The following TSPEAR variants were observed in gnomAD, a reference collection of about 807,000 sequenced individuals.
The protein encoded by TSPEAR is thrombospondin type laminin G domain and EAR repeats, also known as thrombospondin-type laminin G domain and EAR repeat-containing protein.
Under a neutral mutation model 71.6 loss-of-function variants are expected in TSPEAR, and 69 were observed. The ratio of observed to expected loss-of-function variants is 0.96; its 90% CI spans 0.79 to 1.18. The LOEUF (loss-of-function observed/expected upper bound fraction) is 1.18, where lower values mean the gene tolerates loss of function less well. Ranked by LOEUF, TSPEAR falls within the 50% of genes most tolerant of loss-of-function variation. TSPEAR has a pLI of 0.00. For synonymous variants in TSPEAR, 402 were observed against 387.2 expected, an observed-to-expected ratio of 1.04 and a Z score of -0.45; for missense variants, 971 against 894.9, an observed-to-expected ratio of 1.09 and a Z score of -1.09.
At chr21:44,651,170 G>A (rs1555941340) in intron 1 of TSPEAR, among the ~76,000 whole-genome samples, 1 of 152,154 alleles carries the variant, frequency 6.6e-6, no homozygotes, top group Admixed American at 6.5e-5. Context: ...GGGAGAGTGA[G>A]GCCGAAGCCC....
chr21:44,696,997 A>ACTCC (rs1319309315), intron 1 of TSPEAR, among the ~76,000 whole-genome samples: 5 of 141,676 alleles, frequency 3.5e-5, no homozygotes, highest in African/African-American at 8.0e-5. Flanking sequence ...ACACTCACTC[A>ACTCC]CTCCCTCCTT....
At position 44,593,185 on chromosome 21, in the gene TSPEAR, G is replaced by A. The variant is rs587683144; in HGVS notation, c.83-25180C>T. Among the ~76,000 whole-genome samples the A allele has an allele frequency of 2.6e-5, 4 of 152,320 alleles. No individual in the cohort carries two copies. The East Asian group carries it at 7.7e-4, about 29-fold the overall frequency. ...GGACAGCATGACAGCCTTCTGGGCT[G>A]TGGTTTTGGGTTCTGAACCTGCAGA... On this transcript the variant is annotated intron_variant, in intron 1 of 11. Transcript: ENST00000323084. The surrounding 1 kb of genome is among the most constrained non-coding windows in gnomAD (Gnocchi z 5.9).
At chr21:44,671,607 G>T (rs1986058353) in intron 1 of TSPEAR, among the ~76,000 whole-genome samples, 1 of 152,176 alleles carries the variant, frequency 6.6e-6, no homozygotes. Flanking sequence ...CACAGCCAAA[G>T]AAATCATACA....
intron 1 of TSPEAR, among the ~76,000 whole-genome samples, chr21:44,647,940 C>T (rs2146243314): frequency 6.6e-6 from 1 of 152,354 alleles, no homozygotes; most frequent in South Asian, 2.1e-4. Context: ...CATGCCTGTC[C>T]CCTGCCAGTC....
intron 3 of TSPEAR, among the ~76,000 whole-genome samples, chr21:44,532,190 A>G (rs2052987307): frequency 6.6e-6 from 1 of 152,232 alleles, no homozygotes; most frequent in Non-Finnish European, 1.5e-5. Flanking sequence ...ATGTCCCACC[A>G]TCTTCCCCAG....
intron 2 of TSPEAR, among the ~76,000 whole-genome samples, chr21:44,534,734 C>G (rs2053058319): frequency 6.6e-6 from 1 of 152,162 alleles, no homozygotes; most frequent in Admixed American, 6.5e-5. Flanking sequence ...ATGGCAGTTC[C>G]TCAAAAAGTT....
chr21:44,548,756 C>A (rs114919654), intron 2 of TSPEAR, among the ~76,000 whole-genome samples: 1 of 152,096 alleles, frequency 6.6e-6, no homozygotes, highest in Non-Finnish European at 1.5e-5. Context: ...CCTCTGACGT[C>A]GGTATTCACA....
chr21:44,696,817 TC>T (rs1987357626), intron 1 of TSPEAR, among the ~76,000 whole-genome samples: 1 of 152,164 alleles, frequency 6.6e-6, no homozygotes, highest in African/African-American at 2.4e-5. Flanking sequence ...GGCCCCACGG[TC>T]CCGCTCAGTT....
rs190346004 is a variant in TSPEAR, at chr21:44,628,976, G to A, written c.83-60971C>T. 4.3e-4 allele frequency among the ~76,000 whole-genome samples: 65 copies of A among 152,236 alleles called. 1 individual carries two copies. The East Asian group carries it at 8.5e-3, about 20-fold the overall frequency. ...GGTGGGAACAGGAAGGTCTCAGGGC[G>A]GCGATGACAGAGGAGTCCCAGGACA... On this transcript the variant is annotated intron_variant, in intron 1 of 11. Coordinates refer to ENST00000323084, the MANE Select transcript of TSPEAR (RefSeq NM_144991.3).
intron 1 of TSPEAR, among the ~76,000 whole-genome samples, chr21:44,706,368 CATGCACGCACACACGCGCGTGCACCCAT>C (rs1215480213): frequency 3.9e-5 from 6 of 152,008 alleles, no homozygotes; most frequent in Non-Finnish European, 4.4e-5. Flanking sequence ...CTTGCACGCC[CATGCACGCACACACGCGCGTGCACCCAT>C]GCGCACGCAC....
At chr21:44,653,115 G>T (rs926769543) in intron 1 of TSPEAR, among the ~76,000 whole-genome samples, 1 of 152,098 alleles carries the variant, frequency 6.6e-6, no homozygotes, top group East Asian at 1.9e-4. Flanking sequence ...CTGAGATCAC[G>T]CCGCTGCACT....
chr21:44,690,849 G>C (rs1987094189), intron 1 of TSPEAR, among the ~76,000 whole-genome samples: 1 of 152,198 alleles, frequency 6.6e-6, no homozygotes, highest in Non-Finnish European at 1.5e-5. Flanking sequence ...CTGGGCTCAA[G>C]TGATCCTTCC....
At chr21:44,686,076 C>T (rs9974804) in intron 1 of TSPEAR, among the ~76,000 whole-genome samples, 97,240 of 151,880 alleles carry the variant, frequency 0.64, 31,290 homozygotes, top group South Asian at 0.72. Context: ...GCCCCTGGTG[C>T]AGTGAGTGTG....
At chr21:44,503,339 G>C (rs1172710350) in intron 11 of TSPEAR, among the ~76,000 whole-genome samples, 6 of 145,638 alleles carry the variant, frequency 4.1e-5, no homozygotes, top group African/African-American at 7.6e-5. Flanking sequence ...TGAGCCCTCG[G>C]GGGGAAGCAA....
chr21:44,511,376 A>G (rs1476924506), intron 9 of TSPEAR, among the ~76,000 whole-genome samples: 1 of 151,922 alleles, frequency 6.6e-6, no homozygotes, highest in Non-Finnish European at 1.5e-5. Flanking sequence ...ACACACATAT[A>G]TGCTTACATT....
intron 1 of TSPEAR, chr21:44,574,915 C>A (rs1555923642): frequency 1.9e-6 from 3 of 1,612,206 alleles, no homozygotes; most frequent in Non-Finnish European, 2.5e-6. Flanking sequence ...CCCACCTCCT[C>A]CTGCCAACCC....
chr21:44,630,657 GGGAAGTGAAGGGGAAGGCA>G (rs1160603103), intron 1 of TSPEAR, among the ~76,000 whole-genome samples: 3 of 149,576 alleles, frequency 2.0e-5, no homozygotes, highest in South Asian at 2.1e-4. Context: ...GGAAGTGAAG[GGGAAGTGAAGGGGAAGGCA>G]GGAAGTGAAG....
At chr21:44,607,491 A>G (rs1274743516) in intron 1 of TSPEAR, among the ~76,000 whole-genome samples, 2 of 152,226 alleles carry the variant, frequency 1.3e-5, no homozygotes, top group Non-Finnish European at 2.9e-5. Context: ...CAATGAATGA[A>G]ATAAAAATAA....
At chr21:44,517,192 G>A (rs1021477575) in intron 9 of TSPEAR, 5 of 153,220 alleles carry the variant, frequency 3.3e-5, no homozygotes, top group African/African-American at 1.2e-4. Context: ...TTCTCTCTAG[G>A]ACACATACCA....
Sources: gnomAD v4.1 joint callset for allele counts (sites outside exome capture counted in the v4.1 genomes callset) on GRCh38, gnomAD v4.1.1 for gene constraint, Gnocchi (gnomAD v3.1) non-coding constraint, MANE v1.5 for transcripts, NCBI Gene and HGNC (gene_info 2026-07-23, HGNC 2026-07-21) for gene names.